Variants in RNF145 observed in about 807,000 individuals in gnomAD.
RNF145 encodes the protein ring finger protein 145.
In RNF145, 12 loss-of-function variants were observed where a neutral mutation model predicts 57.3. That is an observed-to-expected ratio of 0.21 (90% CI 0.13 to 0.34). The LOEUF is 0.34. RNF145 is among the 10% of genes least tolerant of loss of function. The pLI is 1.00. For synonymous variants in RNF145, 262 were observed against 288.3 expected (o/e 0.91, Z 0.92); for missense variants, 429 against 799.0 (o/e 0.54, Z 5.58).
At chr5:159,208,050 GA>G in intron 1 of RNF145, 1 of 1,511,480 alleles carries the variant, frequency 6.6e-7, no homozygotes, top group Middle Eastern at 2.3e-4. Flanking sequence ...CTTTACTGCA[GA>G]CTGCGACGCA....
At chr5:159,207,625 A>G in intron 1 of RNF145, 1 of 1,600,960 alleles carries the variant, frequency 6.2e-7, no homozygotes, top group Non-Finnish European at 8.5e-7. Flanking sequence ...TAGAGCCTAA[A>G]ATTCTAAGTA....
intron 3 of RNF145, among the ~76,000 whole-genome samples, chr5:159,188,325 T>A (rs1785160068): frequency 6.6e-6 from 1 of 151,588 alleles, no homozygotes; most frequent in Admixed American, 6.6e-5. Context: ...AGGCGGAGCT[T>A]GCAGTGAGCC....
At chr5:159,181,812 ACCACC>A in intron 4 of RNF145, 143 bp downstream of exon 4, 1 of 524,744 alleles carries the variant, frequency 1.9e-6, no homozygotes. Context: ...AAAAAAAAAA[ACCACC>A]AAACAATGGG....
At chr5:159,177,674 G>A (rs1271696019) in intron 4 of RNF145, among the ~76,000 whole-genome samples, 1 of 151,950 alleles carries the variant, frequency 6.6e-6, no homozygotes, top group Non-Finnish European at 1.5e-5. Context: ...CTTAGGCTAG[G>A]AATTACTGAA....
intron 1 of RNF145, chr5:159,207,686 A>G: frequency 6.2e-7 from 1 of 1,613,038 alleles, no homozygotes; most frequent in Non-Finnish European, 8.5e-7. Context: ...TTACATAAGC[A>G]ATGGCACATG....
At chr5:159,204,864 A>AAGATAATTC (rs1468775570) in intron 1 of RNF145, among the ~76,000 whole-genome samples, 2 of 152,038 alleles carry the variant, frequency 1.3e-5, no homozygotes, top group Non-Finnish European at 2.9e-5. Context: ...TTAAAGAGTA[A>AAGATAATTC]AGATAATTCT....
At chr5:159,199,110 G>A (rs1785574197) in intron 2 of RNF145, among the ~76,000 whole-genome samples, 1 of 152,156 alleles carries the variant, frequency 6.6e-6, no homozygotes, top group Non-Finnish European at 1.5e-5. Flanking sequence ...AAATAGATAA[G>A]CATATGGACC....
intron 4 of RNF145, among the ~76,000 whole-genome samples, chr5:159,179,614 G>C (rs550229168): frequency 6.6e-6 from 1 of 152,144 alleles, no homozygotes; most frequent in South Asian, 2.1e-4. Flanking sequence ...AGAGTTTTAA[G>C]AAATATGCTT....
rs187419370 is a variant in RNF145 at position 159,207,411 on chromosome 5, A to C, written c.-40+1820T>G. On this transcript the variant is annotated intron_variant, in intron 1 of 10. Transcript: ENST00000424310. ...AAGAATGACACGTGACCCAACTTAA[A>C]ACTATTCAGTACAATACTTCTACAC... The C allele has an allele frequency of 8.3e-5, 89 of 1,077,370 alleles. No homozygotes were observed. The African/African-American group carries it at 1.2e-3, about 15-fold the overall frequency. 66.7% of individuals were successfully genotyped at this position (1,077,370 alleles called of 1,614,324 possible). A position where few individuals can be genotyped will look rare whatever the true frequency, so the allele number is the denominator to read the frequency against.
intron 3 of RNF145, among the ~76,000 whole-genome samples, chr5:159,186,661 G>A (rs1785067423): frequency 2.0e-5 from 3 of 152,206 alleles, no homozygotes; most frequent in South Asian, 4.1e-4. Context: ...TCAGCACTGA[G>A]CTAGCAGTTG....
Position 159,209,451 on chromosome 5 carries a change from G to C in RNF145, c.-260C>G. On this transcript the variant is annotated 5_prime_UTR_variant, in exon 1 of 11. Coordinates refer to ENST00000424310, the MANE Select transcript of RNF145 (RefSeq NM_001199383.2). ...CGGCCCGGCCCGTACGGTCACCATC[G>C]TCCGCGGCAGCAGGCGCTCGCGGGC... 1.0e-6 allele frequency: 1 copy of C among 982,618 alleles called. No individual in the cohort carries two copies. The highest frequency in any genetic ancestry group is 1.2e-6 in the Non-Finnish European group (1 of 827,206). The allele number at this position is 982,618 out of a possible 1,614,324, so 60.9% of individuals were successfully genotyped here.
chr5:159,206,320 T>TTA (rs1785879324), intron 1 of RNF145, among the ~76,000 whole-genome samples: 4 of 152,190 alleles, frequency 2.6e-5, no homozygotes, highest in Admixed American at 2.6e-4. Context: ...AAGCTGGTCA[T>TTA]GTATAAAGGC....
chr5:159,162,626 G>T (rs967560670), intron 9 of RNF145, among the ~76,000 whole-genome samples: 6 of 150,976 alleles, frequency 4.0e-5, no homozygotes, highest in African/African-American at 1.2e-4. Flanking sequence ...AGTAGAGACG[G>T]GGTTTCACCT....
intron 8 of RNF145, among the ~76,000 whole-genome samples, chr5:159,167,839 T>C (rs1784435328): frequency 6.6e-6 from 1 of 152,184 alleles, no homozygotes; most frequent in Non-Finnish European, 1.5e-5. Flanking sequence ...TGTTTGGCAA[T>C]GTGTGTTATG....
At chr5:159,190,400 C>G (rs963364983) in intron 3 of RNF145, among the ~76,000 whole-genome samples, 2 of 151,862 alleles carry the variant, frequency 1.3e-5, no homozygotes, top group Non-Finnish European at 2.9e-5. Flanking sequence ...AAAAAAATAC[C>G]TGGGGCCAGG....
intron 1 of RNF145, chr5:159,207,594 A>T: frequency 6.3e-7 from 1 of 1,593,298 alleles, no homozygotes; most frequent in Non-Finnish European, 8.5e-7. Context: ...GGCCTCACTG[A>T]AAATGTTAAG....
At chr5:159,207,870 A>T (rs1017472734) in intron 1 of RNF145, 3 of 1,614,018 alleles carry the variant, frequency 1.9e-6, no homozygotes, top group Non-Finnish European at 2.5e-6. Context: ...GAACAGAGAG[A>T]GGAAATAAAA....
chr5:159,207,571 G>C, intron 1 of RNF145: 1 of 1,595,474 alleles, frequency 6.3e-7, no homozygotes, highest in Middle Eastern at 1.7e-4. Flanking sequence ...GCTGTCCATC[G>C]GTTAGGATGG....
chr5:159,163,308 C>T (rs1784289338), intron 8 of RNF145, among the ~76,000 whole-genome samples: 1 of 152,196 alleles, frequency 6.6e-6, no homozygotes, highest in Non-Finnish European at 1.5e-5. Context: ...TCTTTTGTTC[C>T]TCAATAGTTT....
Sources: gnomAD v4.1 joint callset for allele counts (sites outside exome capture counted in the v4.1 genomes callset) on GRCh38, gnomAD v4.1.1 for gene constraint, MANE v1.5 for transcripts, NCBI Gene and HGNC (gene_info 2026-07-23, HGNC 2026-07-21) for gene names.